TMPRSS6: variants seen among roughly 807,000 people sequenced by gnomAD.
TMPRSS6 encodes the protein transmembrane serine protease 6.
In TMPRSS6, 67 loss-of-function variants were observed where a neutral mutation model predicts 101.5. The ratio of observed to expected loss-of-function variants is 0.66; its 90% CI spans 0.54 to 0.81. The LOEUF (loss-of-function observed/expected upper bound fraction) is 0.81, where lower values mean the gene tolerates loss of function less well. Among genes scored for constraint, TMPRSS6 ranks in the 30% least tolerant of loss-of-function variants. TMPRSS6 has a pLI of 0.00. For synonymous variants in TMPRSS6, 453 were observed against 464.9 expected (o/e 0.97, Z 0.33); for missense variants, 1,034 against 1,088.7 (o/e 0.95, Z 0.71).
chr22:37,107,692 T>C (rs751854366), intron 1 of TMPRSS6, among the ~76,000 whole-genome samples: 4 of 152,078 alleles, frequency 2.6e-5, no homozygotes, highest in African/African-American at 4.8e-5. Context: ...TCAGTTTTCC[T>C]GTCCTCTTTG....
rs150564884 is a variant in TMPRSS6, at chr22:37,089,741, G to T, written c.673C>A (p.Arg225=). The change falls in exon 7 of 18, where the codon CGG becomes AGG. Residue 225 remains arginine, a synonymous_variant. Coordinates refer to ENST00000676104, the MANE Select transcript of TMPRSS6 (RefSeq NM_001374504.1). ...GCCAGGTGGTCAGGCCCCTTCAGCC[G>T]GAGGACCTGGCCCTGGCCCACGTAG... ...YSYVGQGQVL[R]LKGPDHLASS... The T allele has an allele frequency of 6.2e-7, 1 of 1,612,484 alleles. No homozygotes were observed. The highest frequency in any genetic ancestry group is 1.1e-5 in the South Asian group (1 of 90,778).
intron 10 of TMPRSS6, among the ~76,000 whole-genome samples, chr22:37,078,945 G>GAA (rs1346764488): frequency 1.6e-4 from 21 of 132,610 alleles, no homozygotes; most frequent in Non-Finnish European, 2.6e-4. Context: ...AGGAGAAGGA[G>GAA]AAGGAGAAAA....
chr22:37,098,522 T>G lies in TMPRSS6; in HGVS notation c.230A>C (p.Gln77Pro). ...LGYKAEVMVS[Q>P]VYSGSLRVLN... is the part of the protein sequence containing the mutation. ...TACACGCAGACTGCCTGAGTACACC[T>G]GGCTGACCATCACCTCCGCCTTGTA... is the stretch of plus-strand genomic sequence containing the variant. Residue 77 changes from glutamine to proline, a missense_variant, in exon 3 of 18, where the codon CAG becomes CCG. By Grantham distance (76) the Gln-to-Pro change is moderately conservative (BLOSUM62 -1). Coordinates refer to ENST00000676104, the MANE Select transcript of TMPRSS6 (RefSeq NM_001374504.1). 6.2e-7 allele frequency: 1 copy of G among 1,614,186 alleles called. No individual in the cohort carries two copies. Among genetic ancestry groups the G allele is most frequent in the Non-Finnish European group, 8.5e-7 (1 of 1,180,028 alleles).
Position 37,103,470 on chromosome 22 carries a change from C to A in TMPRSS6, c.-1-52G>T, listed in dbSNP as rs760191012. The A allele has an allele frequency of 1.2e-5, 20 of 1,614,212 alleles. No homozygotes were observed. The highest frequency in any genetic ancestry group is 3.3e-5 in the Admixed American group (2 of 60,026). On this transcript the variant is annotated intron_variant, in intron 1 of 17. Coordinates refer to ENST00000676104, the MANE Select transcript of TMPRSS6 (RefSeq NM_001374504.1). The surrounding 1 kb of genome is among the most constrained non-coding windows in gnomAD (Gnocchi z 4.4). The stretch of plus-strand genomic sequence containing the variant: ...AAACAGCCTCGCATTTGCAAGGGAG[C>A]CTCTGCTGAGCACCGGTGGGGCACG...
rs115308432 is a variant in TMPRSS6, at chr22:37,078,229, C to T, written c.1197-2949G>A. ...GGGGAGACAGAGAAGGAACCCAAGC[C>T]GGGGTTGGAGGGGAGTGGAACGTTT... On this transcript the variant is annotated intron_variant, in intron 10 of 17. Transcript: ENST00000676104. Among the ~76,000 whole-genome samples, 1,120 of 152,204 alleles carry T rather than the reference C, an allele frequency of 7.4e-3. 10 individuals are homozygous for T. Among genetic ancestry groups the T allele is most frequent in the African/African-American group, 0.019 (777 of 41,514 alleles).
chr22:37,099,330 G>A (rs2281090), intron 2 of TMPRSS6, among the ~76,000 whole-genome samples: 25,676 of 152,246 alleles, frequency 0.17, 2,470 homozygotes, highest in Non-Finnish European at 0.21. Flanking sequence ...TCAGAGATGG[G>A]GAGGGGCGGC....
At chr22:37,105,327 A>G (rs1254874721) in intron 1 of TMPRSS6, among the ~76,000 whole-genome samples, 3 of 152,198 alleles carry the variant, frequency 2.0e-5, no homozygotes, top group African/African-American at 4.8e-5. Flanking sequence ...ACTGGCTTTT[A>G]TGGGGCCAAG....
chr22:37,066,558 C>T (rs957603155), intron 17 of TMPRSS6, among the ~76,000 whole-genome samples: 1 of 152,246 alleles, frequency 6.6e-6, no homozygotes, highest in African/African-American at 2.4e-5. Flanking sequence ...GGCCTAGTGC[C>T]TTGTGGTGGG....
chr22:37,070,378 AC>A (rs1926770195), intron 15 of TMPRSS6, 105 bp downstream of exon 15: 1 of 1,422,720 alleles, frequency 7.0e-7, no homozygotes. Flanking sequence ...TGGGGGGTCC[AC>A]CACCCTTCCC....
intron 10 of TMPRSS6, among the ~76,000 whole-genome samples, chr22:37,076,196 C>T (rs1179417309): frequency 1.3e-5 from 2 of 152,202 alleles, no homozygotes; most frequent in African/African-American, 2.4e-5. Context: ...CAGATGTGCA[C>T]GGTCATCTGC....
chr22:37,106,167 G>C (rs957338576), intron 1 of TMPRSS6, among the ~76,000 whole-genome samples: 1 of 147,536 alleles, frequency 6.8e-6, no homozygotes, highest in Non-Finnish European at 1.5e-5. Flanking sequence ...GGCACAGAGA[G>C]GTTGAGCAGC....
chr22:37,069,047 T>TCCCGCCGCAAGTC lies in TMPRSS6; in HGVS notation c.2113+13_2113+25dup. Reference sequence around the variant, plus strand: ...CAGATCCGCACGGTCTCCCTCCGCCTCCCGCCGCAAGTCCCCGCTGCTCAC... The same window carrying TCCCGCCGCAAGTC: ...CAGATCCGCACGGTCTCCCTCCGCCTCCCGCCGCAAGTCCCCGCCGCAAGTCCCCGCTGCTCAC... On this transcript the variant is annotated intron_variant, in intron 16 of 17. Transcript: ENST00000676104. This position sits in a 1 kb window ranked among gnomAD's most constrained non-coding sequence, Gnocchi z 4.8. 3 of 1,534,420 alleles carry TCCCGCCGCAAGTC rather than the reference T, an allele frequency of 2.0e-6. No homozygotes were observed. The highest frequency in any genetic ancestry group is 2.6e-6 in the Non-Finnish European group (3 of 1,146,530).
At chr22:37,083,870 C>T (rs1309149437) in intron 10 of TMPRSS6, 5 of 408,782 alleles carry the variant, frequency 1.2e-5, no homozygotes, top group Non-Finnish European at 2.2e-5. Flanking sequence ...AGCAGGGGTT[C>T]GTGATAAGGG....
intron 10 of TMPRSS6, chr22:37,082,798 A>G (rs1928371815): frequency 5.5e-6 from 2 of 366,584 alleles, no homozygotes; most frequent in Non-Finnish European, 1.1e-5. Context: ...CACAGGCCCA[A>G]AGTCACTCCC....
At chr22:37,084,646 GC>G in intron 9 of TMPRSS6, 80 bp downstream of exon 9, 1 of 1,229,606 alleles carries the variant, frequency 8.1e-7, no homozygotes. Flanking sequence ...GCGGGACACT[GC>G]CCCCTCTCAT....
chr22:37,072,540 T>TGGATG, intron 13 of TMPRSS6, among the ~76,000 whole-genome samples: 1 of 130,524 alleles, frequency 7.7e-6, no homozygotes, highest in Non-Finnish European at 1.6e-5. Flanking sequence ...AATGGATGGA[T>TGGATG]GATGGATGAA....
chr22:37,073,650 G>C lies in TMPRSS6; in HGVS notation c.1442-5C>G. ...ACTGGAATGTGGCTCTGCAAACTGT[G>C]TGGGGACACAGAGAGGGGACAGGTG... On this transcript the variant is annotated splice_polypyrimidine_tract_variant and splice_region_variant and intron_variant, in intron 12 of 17. Transcript: ENST00000676104. The C allele has an allele frequency of 1.2e-6, 2 of 1,607,140 alleles. No individual in the cohort carries two copies. Among genetic ancestry groups the C allele is most frequent in the South Asian group, 1.1e-5 (1 of 90,972 alleles).
At chr22:37,099,518 T>G (rs967217194) in intron 2 of TMPRSS6, among the ~76,000 whole-genome samples, 6 of 152,208 alleles carry the variant, frequency 3.9e-5, no homozygotes, top group Non-Finnish European at 8.8e-5. Flanking sequence ...ATCCATTTAC[T>G]CAGTAAATAC....
At chr22:37,093,977 C>T (rs1048500259) in intron 6 of TMPRSS6, among the ~76,000 whole-genome samples, 2 of 151,926 alleles carry the variant, frequency 1.3e-5, no homozygotes, top group African/African-American at 2.4e-5. Context: ...GAGCCAAGAT[C>T]GCGGCACTGC....
Sources: gnomAD v4.1 joint callset for allele counts (sites outside exome capture counted in the v4.1 genomes callset) on GRCh38, gnomAD v4.1.1 for gene constraint, Gnocchi (gnomAD v3.1) non-coding constraint, MANE v1.5 for transcripts, NCBI Gene and HGNC (gene_info 2026-07-23, HGNC 2026-07-21) for gene names.